PMS1: variants seen among roughly 807,000 people sequenced by gnomAD.
PMS1 encodes PMS1 protein homolog 1.
A neutral mutation model predicts 93.1 loss-of-function variants in PMS1; 79 were observed. The observed-to-expected ratio is 0.85, with a 90% confidence interval of 0.71 to 1.02. The LOEUF (loss-of-function observed/expected upper bound fraction) is 1.02. Among genes scored for constraint, PMS1 ranks in the 50% least tolerant of loss-of-function variants. PMS1 has a pLI of 0.00. For missense variants in PMS1, 1,064 were observed against 1,085.3 expected (o/e 0.98, Z 0.28); for synonymous variants, 335 against 363.4 (o/e 0.92, Z 0.89).
At chr2:189,792,737 T>A (rs1469578196) in intron 2 of PMS1, among the ~76,000 whole-genome samples, 1 of 142,730 alleles carries the variant, frequency 7.0e-6, no homozygotes, top group Non-Finnish European at 1.5e-5. Flanking sequence ...TAAAATCCCT[T>A]CTATAAATCA....
chr2:189,795,518 A>C (rs2049274559), intron 2 of PMS1, among the ~76,000 whole-genome samples: 1 of 152,222 alleles, frequency 6.6e-6, no homozygotes, highest in Non-Finnish European at 1.5e-5. Context: ...TGAAACAGTG[A>C]AAAGCAACCT....
intron 9 of PMS1, among the ~76,000 whole-genome samples, chr2:189,863,071 C>T (rs981803896): frequency 2.0e-5 from 3 of 152,104 alleles, no homozygotes; most frequent in Non-Finnish European, 4.4e-5. Context: ...TGAGGACTGC[C>T]CTCTGGTTAA....
intron 10 of PMS1, among the ~76,000 whole-genome samples, chr2:189,864,688 ATATATATATATAT>A (rs1294044228): frequency 1.1e-3 from 5 of 4,498 alleles, no homozygotes; most frequent in Admixed American, 3.0e-3. Context: ...AAAAAAAAAA[ATATATATATATAT>A]ATATATATAT....
chr2:189,859,750 G>C (rs2106485647), intron 9 of PMS1, among the ~76,000 whole-genome samples: 1 of 151,882 alleles, frequency 6.6e-6, no homozygotes, highest in African/African-American at 2.4e-5. Context: ...CTTTGAAATT[G>C]AGTTAAATTA....
At chr2:189,791,981 A>C in intron 2 of PMS1, 40 bp downstream of exon 2, 2 of 1,588,780 alleles carry the variant, frequency 1.3e-6, no homozygotes, top group Non-Finnish European at 1.7e-6. Flanking sequence ...TAAGACAAAG[A>C]AAAGGGTCTG....
intron 2 of PMS1, among the ~76,000 whole-genome samples, chr2:189,795,202 A>C (rs1394308118): frequency 2.0e-5 from 3 of 152,230 alleles, no homozygotes; most frequent in Admixed American, 1.3e-4. Context: ...AAAGATTTAG[A>C]AAGTTATAAT....
chr2:189,803,790 T>TA (rs1436370688), intron 3 of PMS1, among the ~76,000 whole-genome samples: 1 of 152,262 alleles, frequency 6.6e-6, no homozygotes. Context: ...TTTACTGTCT[T>TA]TAGCCATGAA....
At chr2:189,822,281 C>T (rs1328833221) in intron 5 of PMS1, among the ~76,000 whole-genome samples, 1 of 152,164 alleles carries the variant, frequency 6.6e-6, no homozygotes, top group Non-Finnish European at 1.5e-5. Context: ...CCTCTACCGA[C>T]CTTACTAGAA....
At chr2:189,844,237 AC>A (rs1282541516) in intron 6 of PMS1, among the ~76,000 whole-genome samples, 157 bp downstream of exon 6, 1 of 151,408 alleles carries the variant, frequency 6.6e-6, no homozygotes, top group Non-Finnish European at 1.5e-5. Context: ...CTTATGTTAA[AC>A]CTCTTTCCCC....
intron 12 of PMS1, among the ~76,000 whole-genome samples, chr2:189,874,389 T>C (rs2057390200): frequency 6.6e-6 from 1 of 152,170 alleles, no homozygotes; most frequent in Non-Finnish European, 1.5e-5. Flanking sequence ...AAGTGAAAGA[T>C]GGGAATCTTT....
Position 189,786,625 on chromosome 2 carries a change from A to G in PMS1, c.-21+2032A>G, listed in dbSNP as rs557553082. On this transcript the variant is annotated intron_variant, in intron 1 of 12. Transcript: ENST00000441310. ...GTTTTGTGATCTTGAGCAAGTTACC[A>G]TGCCTTTAAATCCTATTTGGTGATA... 5.3e-5 allele frequency among the ~76,000 whole-genome samples: 8 copies of G among 152,326 alleles called. 1 individual carries two copies. The East Asian group carries it at 1.5e-3, about 29-fold the overall frequency.
intron 7 of PMS1, 108 bp downstream of exon 7, chr2:189,852,885 T>A (rs1279145875): frequency 1.3e-6 from 1 of 747,454 alleles, no homozygotes; most frequent in African/African-American, 1.8e-5. Flanking sequence ...AAATACAATG[T>A]CATTTATTAA....
intron 9 of PMS1, chr2:189,857,302 G>T: frequency 5.8e-6 from 1 of 173,786 alleles, no homozygotes; most frequent in South Asian, 1.4e-4. Flanking sequence ...CTTGGGATCA[G>T]AGTTCTAATT....
intron 2 of PMS1, among the ~76,000 whole-genome samples, chr2:189,792,430 G>A (rs2048946805): frequency 6.6e-6 from 1 of 151,846 alleles, no homozygotes; most frequent in Non-Finnish European, 1.5e-5. Context: ...AACACATAGA[G>A]ATATGGTCTA....
Position 189,855,096 on chromosome 2 carries a change from G to A in PMS1, c.1824G>A (p.Leu608=), listed in dbSNP as rs2055171464. ...LEDATLQIEE[L]WKTLSEEEKL... is the part of the protein sequence containing the mutation. The stretch of plus-strand genomic sequence containing the variant: ...ATGCAACACTACAAATTGAAGAACT[G>A]TGGAAGACATTGAGTGAAGAGGAAA... Residue 608 remains leucine (L), a synonymous_variant, in exon 9 of 13, where the codon CTG becomes CTA. Coordinates refer to ENST00000441310, the MANE Select transcript of PMS1 (RefSeq NM_000534.5). The A allele has an allele frequency of 6.8e-6, 11 of 1,613,310 alleles. No individual in the cohort carries two copies. Among genetic ancestry groups the A allele is most frequent in the Non-Finnish European group, 9.3e-6 (11 of 1,179,576 alleles).
At chr2:189,860,440 A>G (rs545957753) in intron 9 of PMS1, among the ~76,000 whole-genome samples, 1 of 152,212 alleles carries the variant, frequency 6.6e-6, no homozygotes, top group South Asian at 2.1e-4. Context: ...AATAATATTC[A>G]GTTGTATAAA....
chr2:189,828,536 A>G (rs909838179), intron 5 of PMS1, among the ~76,000 whole-genome samples: 7 of 152,214 alleles, frequency 4.6e-5, no homozygotes, highest in South Asian at 2.1e-4. Context: ...ATCTCTCACA[A>G]TGTATCTCTG....
intron 2 of PMS1, 79 bp downstream of exon 2, chr2:189,792,020 CTTTAT>C: frequency 8.0e-7 from 1 of 1,256,166 alleles, no homozygotes; most frequent in Non-Finnish European, 1.1e-6. Flanking sequence ...AAACTGTTAC[CTTTAT>C]TTTATTTCTT....
intron 4 of PMS1, 86 bp from the exon 5 acceptor site, chr2:189,817,931 G>A: frequency 1.0e-6 from 1 of 1,002,900 alleles, no homozygotes; most frequent in Admixed American, 1.8e-5. Flanking sequence ...AGTTATAGAA[G>A]GGGTTAATTA....
Sources: gnomAD v4.1 joint callset for allele counts (sites outside exome capture counted in the v4.1 genomes callset) on GRCh38, gnomAD v4.1.1 for gene constraint, MANE v1.5 for transcripts, NCBI Gene and HGNC (gene_info 2026-07-23, HGNC 2026-07-21) for gene names.